CUX1: variants seen among roughly 807,000 people sequenced by gnomAD.
CUX1 encodes cut like homeobox 1, also known as protein CASP.
A neutral mutation model predicts 158.8 loss-of-function variants in CUX1; 31 were observed. The ratio of observed to expected loss-of-function variants is 0.20; its 90% CI spans 0.15 to 0.26. The LOEUF is 0.26. CUX1 is among the 10% of genes least tolerant of loss of function. The pLI is 1.00. For synonymous variants in CUX1, 879 were observed against 862.1 expected, an observed-to-expected ratio of 1.02 and a Z score of -0.34; for missense variants, 1,589 against 2,014.6, an observed-to-expected ratio of 0.79 and a Z score of 4.04.
intron 2 of CUX1, among the ~76,000 whole-genome samples, chr7:101,963,328 C>T (rs79816471): frequency 6.4e-4 from 98 of 152,340 alleles, no homozygotes; most frequent in African/African-American, 2.2e-3. Flanking sequence ...GCCCATCCGT[C>T]CACTCCTGTA....
chr7:102,151,547 T>TC (rs1337157372), intron 8 of CUX1, among the ~76,000 whole-genome samples: 1 of 150,984 alleles, frequency 6.6e-6, no homozygotes, highest in Non-Finnish European at 1.5e-5. Context: ...AGAGCGAAAC[T>TC]CCATCTCAGA....
At chr7:102,140,549 ATG>A (rs1834331226) in intron 8 of CUX1, among the ~76,000 whole-genome samples, 1 of 151,082 alleles carries the variant, frequency 6.6e-6, no homozygotes, top group African/African-American at 2.4e-5. Flanking sequence ...CCCAGCCTCT[ATG>A]TGTTTTTTTT....
At chr7:102,118,900 C>T (rs1450773866) in intron 8 of CUX1, among the ~76,000 whole-genome samples, 6 of 152,054 alleles carry the variant, frequency 3.9e-5, no homozygotes, top group Admixed American at 6.6e-5. Context: ...TACAGGCGTG[C>T]GCCACCACAT....
At chr7:102,281,142 G>A (rs1554549138) in intron 20 of CUX1, among the ~76,000 whole-genome samples, 1 of 152,242 alleles carries the variant, frequency 6.6e-6, no homozygotes, top group East Asian at 1.9e-4. Flanking sequence ...ACTTTGGGAG[G>A]TGGGAGGATT....
At position 102,087,202 on chromosome 7, in the gene CUX1, C is replaced by G. The variant is rs781882829; in HGVS notation, c.269-10162C>G. On this transcript the variant is annotated intron_variant, in intron 4 of 23. Transcript: ENST00000292535. ...CCTGTTTTTTCTTGTATTTTTCCTG[C>G]TTTTGATTAACTGATTTTTTTAATG... 3.3e-5 allele frequency among the ~76,000 whole-genome samples: 5 copies of G among 151,962 alleles called. No individual in the cohort carries two copies. The South Asian group carries it at 8.3e-4, about 25-fold the overall frequency.
rs1160148631 is a variant in CUX1 at position 102,250,814 on chromosome 7, CTG to C, written c.*1776_*1777del. ...TGTGCGTGTGTGCAATTTTATACGT[CTG>C]TGTATTTTCTTAAGTACCTGTGCAC... On this transcript the variant is annotated 3_prime_UTR_variant, in exon 24 of 24. Transcript: ENST00000292535. 2.5e-5 allele frequency: 25 copies of C among 985,206 alleles called. No individual in the cohort carries two copies. Among genetic ancestry groups the C allele is most frequent in the South Asian group, 1.4e-4 (3 of 21,284 alleles). The allele number at this position is 985,206 out of a possible 1,614,324, so 61.0% of individuals were successfully genotyped here.
At chr7:102,159,824 G>A (rs1433900584) in intron 9 of CUX1, among the ~76,000 whole-genome samples, 4 of 149,828 alleles carry the variant, frequency 2.7e-5, no homozygotes, top group Non-Finnish European at 5.9e-5. Context: ...TCTAAGCCTG[G>A]GCAACAGAGC....
intron 3 of CUX1, among the ~76,000 whole-genome samples, chr7:102,034,549 T>G (rs1821189261): frequency 6.6e-6 from 1 of 151,940 alleles, no homozygotes; most frequent in African/African-American, 2.4e-5. Context: ...GTTCAGGAGA[T>G]CGAGACCATC....
At chr7:102,274,665 G>A (rs1399153534) in intron 16 of CUX1, among the ~76,000 whole-genome samples, 3 of 152,228 alleles carry the variant, frequency 2.0e-5, no homozygotes, top group African/African-American at 7.2e-5. Context: ...CTGGATCTTA[G>A]ACTGACACCC....
chr7:101,983,489 T>C (rs534900791), intron 2 of CUX1, among the ~76,000 whole-genome samples: 39 of 152,202 alleles, frequency 2.6e-4, no homozygotes, highest in Non-Finnish European at 4.7e-4. Flanking sequence ...CAATTATGTG[T>C]GAGTCTGTTA....
intron 12 of CUX1, among the ~76,000 whole-genome samples, chr7:102,192,724 G>A (rs1324740704): frequency 1.1e-4 from 16 of 152,140 alleles, no homozygotes; most frequent in East Asian, 1.9e-4. Context: ...GCGAAGGTCC[G>A]GTTGACTCTG....
intron 1 of CUX1, among the ~76,000 whole-genome samples, chr7:101,911,283 G>A (rs1460282838): frequency 6.6e-6 from 1 of 152,164 alleles, no homozygotes; most frequent in African/African-American, 2.4e-5. Context: ...GTCCTGCCGT[G>A]GATGACCTGA....
At chr7:101,929,208 G>A (rs888544155) in intron 2 of CUX1, among the ~76,000 whole-genome samples, 27 of 151,994 alleles carry the variant, frequency 1.8e-4, no homozygotes, top group Non-Finnish European at 2.9e-4. Flanking sequence ...AGCTATAAAC[G>A]AACACTTAAA....
chr7:102,226,194 G>A (rs1554528534), intron 20 of CUX1, among the ~76,000 whole-genome samples: 1 of 152,230 alleles, frequency 6.6e-6, no homozygotes, highest in Admixed American at 6.5e-5. Context: ...ACCCCAACAA[G>A]GCAGAGGAGA....
intron 1 of CUX1, among the ~76,000 whole-genome samples, chr7:101,903,671 C>T (rs1802412506): frequency 6.6e-6 from 1 of 152,200 alleles, no homozygotes; most frequent in Admixed American, 6.5e-5. Context: ...CCTGCCCCGG[C>T]ACCTGCTCCG....
At position 102,239,347 on chromosome 7, in the gene CUX1, T is replaced by G. The variant is rs781807942; in HGVS notation, c.3650T>G (p.Val1217Gly). 6.2e-7 allele frequency: 1 copy of G among 1,610,730 alleles called. No individual in the cohort carries two copies. The highest frequency in any genetic ancestry group is 1.3e-5 in the African/African-American group (1 of 75,002). ...KAYMKRRHSS[V>G]SDSQPCEPPS... ...TACATGAAGCGGCGGCACAGCTCAGTCAGTGACAGCCAGCCCTGCGAACCG... is the reference window on the plus strand; with the variant it reads ...TACATGAAGCGGCGGCACAGCTCAGGCAGTGACAGCCAGCCCTGCGAACCG... Residue 1217 changes from valine to glycine, a missense_variant, in exon 23 of 24, where the codon GTC (valine) becomes GGC (glycine). Val to Gly is a moderately radical substitution (Grantham distance 109). Around this residue, in one of 8 missense-constraint regions of CUX1, gnomAD observed 259 missense variants for 373.8 expected, o/e 0.69. Transcript: ENST00000292535.
At chr7:102,043,367 G>GTGTGTT (rs1416858533) in intron 3 of CUX1, among the ~76,000 whole-genome samples, 1 of 148,784 alleles carries the variant, frequency 6.7e-6, no homozygotes, top group Non-Finnish European at 1.5e-5. Context: ...GTGTGTGTGT[G>GTGTGTT]TGTTGAGAAC....
At chr7:101,883,642 A>C (rs1799942172) in intron 1 of CUX1, among the ~76,000 whole-genome samples, 1 of 149,518 alleles carries the variant, frequency 6.7e-6, no homozygotes, top group African/African-American at 2.5e-5. Flanking sequence ...ATGGAGTTTC[A>C]CTCTTGTTGC....
intron 20 of CUX1, among the ~76,000 whole-genome samples, chr7:102,218,417 C>T (rs1019053538): frequency 3.8e-4 from 58 of 152,352 alleles, no homozygotes; most frequent in African/African-American, 1.3e-3. Context: ...GATATGGTGG[C>T]TCATGCCTGT....
Sources: allele counts gnomAD v4.1 joint callset (sites outside exome capture counted in the v4.1 genomes callset), GRCh38; gene constraint gnomAD v4.1.1; regional missense constraint gnomAD v4.1.1; transcripts MANE v1.5; gene names NCBI Gene and HGNC (gene_info 2026-07-23, HGNC 2026-07-21).